PHACTR2: variants seen among roughly 807,000 people sequenced by gnomAD.
The protein encoded by PHACTR2 is chromosome 6 open reading frame 56.
A neutral mutation model predicts 76.0 loss-of-function variants in PHACTR2; 30 were observed. The observed-to-expected ratio is 0.39, with a 90% confidence interval of 0.30 to 0.54. The LOEUF (loss-of-function observed/expected upper bound fraction) is 0.54, where lower values mean the gene tolerates loss of function less well. PHACTR2 is among the 20% of genes least tolerant of loss of function. The probability of loss-of-function intolerance (pLI) is 0.61; values close to 1 mark genes in which losing one functional copy is unlikely to be tolerated. For synonymous variants in PHACTR2, 292 were observed against 292.5 expected (o/e 1.00, Z 0.02); for missense variants, 696 against 781.1 (o/e 0.89, Z 1.30).
Position 143,742,059 on chromosome 6 carries a change from C to T in PHACTR2, c.215-6926C>T, listed in dbSNP as rs373092934. Among the ~76,000 whole-genome samples the T allele has an allele frequency of 2.1e-4, 32 of 151,752 alleles. 1 individual carries two copies. Among genetic ancestry groups the T allele is most frequent in the African/African-American group, 7.5e-4 (31 of 41,364 alleles). ...GGTGGAGGTTGCAGTGAGCTGGGAT[C>T]GCGCCACTGCACTGCAGCCTGGGTG... On this transcript the variant is annotated intron_variant, in intron 2 of 12. Transcript: ENST00000440869. The surrounding 1 kb of genome is among the most constrained non-coding windows in gnomAD (Gnocchi z 4.5).
intron 2 of PHACTR2, among the ~76,000 whole-genome samples, chr6:143,727,182 C>T (rs1245695028): frequency 1.3e-5 from 2 of 152,162 alleles, no homozygotes; most frequent in Admixed American, 6.5e-5. Context: ...GTTTTAAACT[C>T]CCACCTATGA....
At chr6:143,657,287 CAG>C (rs1776864582) in intron 1 of PHACTR2, among the ~76,000 whole-genome samples, 1 of 151,984 alleles carries the variant, frequency 6.6e-6, no homozygotes, top group Non-Finnish European at 1.5e-5. Flanking sequence ...GTGAACAATT[CAG>C]AGTTTTGTCA....
chr6:143,712,400 TA>T (rs1483879819), intron 2 of PHACTR2: 2 of 213,368 alleles, frequency 9.4e-6, no homozygotes, highest in African/African-American at 4.6e-5. Flanking sequence ...TATTCTTATT[TA>T]AAAATATATA....
chr6:143,802,552 T>G (rs1277847710), intron 11 of PHACTR2, among the ~76,000 whole-genome samples: 1 of 143,352 alleles, frequency 7.0e-6, no homozygotes, highest in African/African-American at 2.6e-5. Context: ...GAGGCTGAGG[T>G]GGGAGGGTGT....
chr6:143,676,501 AGAGT>A (rs1397213997), upstream of PHACTR2, among the ~76,000 whole-genome samples: 1 of 152,250 alleles, frequency 6.6e-6, no homozygotes, highest in Non-Finnish European at 1.5e-5. This position sits in a 1 kb window ranked among gnomAD's most constrained non-coding sequence, Gnocchi z 4.8. Context: ...GTCAAAAGGA[AGAGT>A]GAAACATTCT....
At chr6:143,670,370 C>G (rs1276267716) in intron 1 of PHACTR2, among the ~76,000 whole-genome samples, 2 of 152,060 alleles carry the variant, frequency 1.3e-5, no homozygotes, top group East Asian at 1.9e-4. Flanking sequence ...CTGTATTTCC[C>G]GAATTTGAAT....
At position 143,799,364 on chromosome 6, in the gene PHACTR2, G is replaced by GT. The variant is rs775477614; in HGVS notation, c.1846-7687dup. ...CCTGGATTCATTGATTTTTTGAAGG[G>GT]TTTTTTGTGTCTCTATCTTCTTCAG... is the stretch of plus-strand genomic sequence containing the variant. On this transcript the variant is annotated intron_variant, in intron 11 of 12. Transcript: ENST00000440869. Among the ~76,000 whole-genome samples the GT allele has an allele frequency of 1.3e-4, 20 of 152,224 alleles. No individual in the cohort carries two copies. The East Asian group carries it at 2.3e-3, about 18-fold the overall frequency.
At position 143,659,244 on chromosome 6, in the gene PHACTR2, A is replaced by T. The variant is rs1249557267; in HGVS notation, c.13+50922A>T. ...AATTTCTTTTCCTAATAATAAATTA[A>T]CCTTAGCTTATTGTAACTTTTTTAC... is the stretch of plus-strand genomic sequence containing the variant. On this transcript the variant is annotated intron_variant, in intron 1 of 11. Transcript: ENST00000305766. The surrounding 1 kb of genome is among the most constrained non-coding windows in gnomAD (Gnocchi z 5.0). Among the ~76,000 whole-genome samples, 2 of 152,224 alleles carry T rather than the reference A, an allele frequency of 1.3e-5. No individual in the cohort carries two copies. Among genetic ancestry groups the T allele is most frequent in the African/African-American group, 4.8e-5 (2 of 41,468 alleles).
rs138048578 is a variant in PHACTR2 at position 143,662,423 on chromosome 6, G to A, written c.14-49593G>A. Among the ~76,000 whole-genome samples the A allele has an allele frequency of 4.4e-4, 67 of 152,116 alleles. No individual in the cohort carries two copies. The highest frequency in any genetic ancestry group is 1.4e-3 in the African/African-American group (57 of 41,514). ...TTGTTTGTTATTCCCTTAAGATGTC[G>A]TTTGGAGTTTTAAAGATATCATTGT... On this transcript the variant is annotated intron_variant, in intron 1 of 11. Transcript: ENST00000305766. This position sits in a 1 kb window ranked among gnomAD's most constrained non-coding sequence, Gnocchi z 4.7.
In PHACTR2 at chr6:143,708,235, T is replaced by C. The variant is rs1034325052; in HGVS notation, c.47-3781T>C. Among the ~76,000 whole-genome samples, 14 of 152,260 alleles carry C rather than the reference T, an allele frequency of 9.2e-5. No homozygotes were observed. Among genetic ancestry groups the C allele is most frequent in the African/African-American group, 3.1e-4 (13 of 41,468 alleles). On this transcript the variant is annotated intron_variant, in intron 1 of 12. Transcript: ENST00000440869. This position sits in a 1 kb window ranked among gnomAD's most constrained non-coding sequence, Gnocchi z 5.5. The stretch of plus-strand genomic sequence containing the variant: ...AAAAATAAAACCTGTGTATATTTTC[T>C]GATTTCTTAGCAATTGGTGTTGTGG...
Position 143,803,063 on chromosome 6 carries a change from G to A in PHACTR2, c.1846-3994G>A, listed in dbSNP as rs1461686519. On this transcript the variant is annotated intron_variant, in intron 11 of 12. Transcript: ENST00000440869. The surrounding 1 kb of genome is among the most constrained non-coding windows in gnomAD (Gnocchi z 4.7). ...CTGAAGCAATTTTCCTGATGACAGG[G>A]GCCCAGAAGCTCATATTAATGGAAA... Among the ~76,000 whole-genome samples the A allele has an allele frequency of 6.6e-6, 1 of 152,010 alleles. No individual in the cohort carries two copies. The highest frequency in any genetic ancestry group is 1.5e-5 in the Non-Finnish European group (1 of 68,010).
Position 143,809,902 on chromosome 6 carries a change from A to C in PHACTR2, c.1922+2769A>C, listed in dbSNP as rs1269554853. Among the ~76,000 whole-genome samples the C allele has an allele frequency of 6.6e-6, 1 of 152,156 alleles. No homozygotes were observed. The highest frequency in any genetic ancestry group is 6.5e-5 in the Admixed American group (1 of 15,274). ...CGAGGTGGGCAGATCTTTTGAGCTC[A>C]GGAGTTCGAGACCAGCCTGGACAAC... is the stretch of plus-strand genomic sequence containing the variant. On this transcript the variant is annotated intron_variant, in intron 12 of 12. Transcript: ENST00000440869. The surrounding 1 kb of genome is among the most constrained non-coding windows in gnomAD (Gnocchi z 4.2).
chr6:143,575,915 A>G (rs1356841276), intron 1 of PHACTR2, among the ~76,000 whole-genome samples: 1 of 152,230 alleles, frequency 6.6e-6, no homozygotes, highest in Non-Finnish European at 1.5e-5. Flanking sequence ...CAGTTCTTCG[A>G]ACAAATATTT....
At position 143,784,948 on chromosome 6, in the gene PHACTR2, A is replaced by G. The variant is rs1775520750; in HGVS notation, c.1707+1668A>G. Among the ~76,000 whole-genome samples, 1 of 152,172 alleles carries G rather than the reference A, an allele frequency of 6.6e-6. No individual in the cohort carries two copies. The highest frequency in any genetic ancestry group is 6.5e-5 in the Admixed American group (1 of 15,278). ...CCACAACACATGGGAATTCTGGGAG[A>G]TACAATTCAAGTTGAGATTTGGGTG... is the stretch of plus-strand genomic sequence containing the variant. On this transcript the variant is annotated intron_variant, in intron 10 of 12. Coordinates refer to ENST00000440869, the MANE Select transcript of PHACTR2 (RefSeq NM_001100164.2). The surrounding 1 kb of genome is among the most constrained non-coding windows in gnomAD (Gnocchi z 4.5).
chr6:143,588,216 G>C (rs1775649881), intron 1 of PHACTR2, among the ~76,000 whole-genome samples: 1 of 152,076 alleles, frequency 6.6e-6, no homozygotes, highest in Admixed American at 6.6e-5. Context: ...ATTTTCCCTA[G>C]CTATAAGGTG....
rs142654212 is a variant in PHACTR2 at position 143,550,761 on chromosome 6, G to A, written c.217+13554G>A. On this transcript the variant is annotated intron_variant, in intron 1 of 11. Transcript: ENST00000367584. The surrounding 1 kb of genome is among the most constrained non-coding windows in gnomAD (Gnocchi z 4.8). ...AAACAAACAAACAAAGATTAGGGGCGAGTGCGGTGGCTCACGCCTGTAATC... is the reference window on the plus strand; with the variant it reads ...AAACAAACAAACAAAGATTAGGGGCAAGTGCGGTGGCTCACGCCTGTAATC... Among the ~76,000 whole-genome samples, 70 of 152,028 alleles carry A rather than the reference G, an allele frequency of 4.6e-4. No individual in the cohort carries two copies. In the East Asian group the frequency reaches 9.9e-3, roughly 21 times the overall value.
In PHACTR2 at chr6:143,557,290, A is replaced by AT. The variant is rs1225872971; in HGVS notation, c.217+20086dup. 6.6e-6 allele frequency among the ~76,000 whole-genome samples: 1 copy of AT among 152,150 alleles called. No homozygotes were observed. The highest frequency in any genetic ancestry group is 2.4e-5 in the African/African-American group (1 of 41,424). On this transcript the variant is annotated intron_variant, in intron 1 of 11. Coordinates refer to the PHACTR2 transcript ENST00000367584. The surrounding 1 kb of genome is among the most constrained non-coding windows in gnomAD (Gnocchi z 5.5). ...ACCTTTTGAATCCAGTGGGACTTTTATTTGCCCCATTTCACAGATGGGGAA... is the reference window on the plus strand; with the variant it reads ...ACCTTTTGAATCCAGTGGGACTTTTATTTTGCCCCATTTCACAGATGGGGAA...
chr6:143,537,761 G>A lies in PHACTR2; in HGVS notation c.217+554G>A, dbSNP rs1240933427. On this transcript the variant is annotated intron_variant, in intron 1 of 11. Transcript: ENST00000367584. This position sits in a 1 kb window ranked among gnomAD's most constrained non-coding sequence, Gnocchi z 4.4. ...AAACCCATGAGGTTAATGGGGGAGA[G>A]CAGGGGAGAGTTTGGCGGGCTGTTT... is the stretch of plus-strand genomic sequence containing the variant. Among the ~76,000 whole-genome samples, 2 of 152,282 alleles carry A rather than the reference G, an allele frequency of 1.3e-5. No homozygotes were observed. The highest frequency in any genetic ancestry group is 1.9e-4 in the East Asian group (1 of 5,176).
chr6:143,683,449 C>T lies in PHACTR2; in HGVS notation c.46+5240C>T, dbSNP rs575755340. Among the ~76,000 whole-genome samples, 15 of 152,194 alleles carry T rather than the reference C, an allele frequency of 9.9e-5. No homozygotes were observed. Among genetic ancestry groups the T allele is most frequent in the Middle Eastern group, 3.4e-3 (1 of 294 alleles). ...TTATTTCTTCTAGTTTTTTCCAACCCCACCCCATTTTCACGGTGCCACAGA... is the reference window on the plus strand; with the variant it reads ...TTATTTCTTCTAGTTTTTTCCAACCTCACCCCATTTTCACGGTGCCACAGA... On this transcript the variant is annotated intron_variant, in intron 1 of 12. Transcript: ENST00000440869. This position sits in a 1 kb window ranked among gnomAD's most constrained non-coding sequence, Gnocchi z 4.1.
Sources: allele counts gnomAD v4.1 joint callset (sites outside exome capture counted in the v4.1 genomes callset), GRCh38; gene constraint gnomAD v4.1.1; non-coding constraint Gnocchi (gnomAD v3.1); transcripts MANE v1.5; gene names NCBI Gene and HGNC (gene_info 2026-07-23, HGNC 2026-07-21).